The following ABHD12 variants were observed in gnomAD, a reference collection of about 807,000 sequenced individuals.
ABHD12 encodes the protein abhydrolase domain containing 12, lysophospholipase.
A neutral mutation model predicts 58.3 loss-of-function variants in ABHD12; 43 were observed. The observed-to-expected ratio is 0.74, with a 90% CI of 0.58 to 0.95. The LOEUF is 0.95. ABHD12 is among the 40% of genes least tolerant of loss of function. The pLI is 0.00. For synonymous variants in ABHD12, 219 were observed against 211.2 expected (o/e 1.04, Z -0.32); for missense variants, 539 against 537.2 (o/e 1.00, Z -0.03).
intron 11 of ABHD12, 95 bp from the exon 12 acceptor site, chr20:25,302,441 C>G (rs1000245834): frequency 6.5e-7 from 1 of 1,529,182 alleles, no homozygotes; most frequent in Non-Finnish European, 9.0e-7. Flanking sequence ...TCAATAGAAA[C>G]CAGTCCAGAG....
intron 6 of ABHD12, among the ~76,000 whole-genome samples, chr20:25,310,771 G>C (rs1181843976): frequency 6.6e-6 from 1 of 152,164 alleles, no homozygotes; most frequent in Non-Finnish European, 1.5e-5. Flanking sequence ...ACAGGGACAG[G>C]AGGCAGAAGG....
rs556485180 is a variant in ABHD12, at chr20:25,333,985, G to T, written c.316+5242C>A. On this transcript the variant is annotated intron_variant, in intron 2 of 12. Coordinates refer to ENST00000339157, the MANE Select transcript of ABHD12 (RefSeq NM_001042472.3). Reference sequence around the variant, plus strand: ...CAATTAGGCAGGAGAAGGAAATAAAGGGTATTCAATTAGGAAAAGAGGAAG... The same window carrying T: ...CAATTAGGCAGGAGAAGGAAATAAATGGTATTCAATTAGGAAAAGAGGAAG... Among the ~76,000 whole-genome samples, 16 of 152,234 alleles carry T rather than the reference G, an allele frequency of 1.1e-4. No individual in the cohort carries two copies. The East Asian group carries it at 3.1e-3, about 29-fold the overall frequency.
At chr20:25,295,109 A>T in intron 12 of ABHD12, 8 of 1,405,084 alleles carry the variant, frequency 5.7e-6, no homozygotes, top group Non-Finnish European at 8.1e-6. Context: ...GTGAACAGAA[A>T]TGCATTTGTA....
intron 1 of ABHD12, among the ~76,000 whole-genome samples, chr20:25,370,849 C>CTTTTTTTTTTT (rs201094435): frequency 7.2e-6 from 1 of 139,420 alleles, no homozygotes. Flanking sequence ...CCTTTATTGA[C>CTTTTTTTTTTT]TTTTTTTTTT....
intron 2 of ABHD12, among the ~76,000 whole-genome samples, chr20:25,327,212 T>C (rs956793047): frequency 1.3e-5 from 2 of 152,186 alleles, no homozygotes; most frequent in East Asian, 3.9e-4. Flanking sequence ...CGCATGCCTA[T>C]AATCCCAGCA....
At chr20:25,306,072 TG>T (rs1446624063) in intron 10 of ABHD12, among the ~76,000 whole-genome samples, 1 of 151,268 alleles carries the variant, frequency 6.6e-6, no homozygotes, top group Non-Finnish European at 1.5e-5. Flanking sequence ...GAGGCTGAGG[TG>T]GGATAATCAC....
At chr20:25,343,561 T>C (rs994450111) in intron 1 of ABHD12, among the ~76,000 whole-genome samples, 1 of 152,104 alleles carries the variant, frequency 6.6e-6, no homozygotes, top group African/African-American at 2.4e-5. Flanking sequence ...TTCCAGCACT[T>C]TGGGAGGCCA....
chr20:25,308,996 G>A (rs2088798873), intron 7 of ABHD12, among the ~76,000 whole-genome samples: 2 of 152,230 alleles, frequency 1.3e-5, no homozygotes, highest in East Asian at 3.9e-4. Context: ...CAGCAGAAAG[G>A]GAATGGCAGT....
At chr20:25,362,030 G>A (rs993135742) in intron 1 of ABHD12, among the ~76,000 whole-genome samples, 6 of 150,726 alleles carry the variant, frequency 4.0e-5, no homozygotes, top group South Asian at 2.1e-4. Flanking sequence ...ATCCCAGCAC[G>A]TTTGGAGATC....
In ABHD12 at chr20:25,354,260, A is replaced by G. The variant is rs1235924457; in HGVS notation, c.192-14909T>C. Among the ~76,000 whole-genome samples, 3 of 152,260 alleles carry G rather than the reference A, an allele frequency of 2.0e-5. No individual in the cohort carries two copies. In the East Asian group the frequency reaches 5.8e-4, roughly 29 times the overall value. ...GAATCTGGCCTGAAGGGCTGTTCCC[A>G]CCTGTGGTGCCAGTTCACAGGTGTA... On this transcript the variant is annotated intron_variant, in intron 1 of 12. Transcript: ENST00000339157.
chr20:25,308,509 A>T lies in ABHD12; in HGVS notation c.750-15T>A, dbSNP rs1341237590. The T allele has an allele frequency of 6.2e-7, 1 of 1,606,508 alleles. No homozygotes were observed. Among genetic ancestry groups the T allele is most frequent in the Admixed American group, 1.7e-5 (1 of 59,066 alleles). ...TTGTCGCCACGCTAGGAAAAAAGAA[A>T]AACAGCTTAGTTGAGTTATGATAAA... is the stretch of plus-strand genomic sequence containing the variant. On this transcript the variant is annotated splice_polypyrimidine_tract_variant and intron_variant, in intron 7 of 12. Transcript: ENST00000339157.
At chr20:25,360,304 G>A (rs1239057843) in intron 1 of ABHD12, among the ~76,000 whole-genome samples, 2 of 132,704 alleles carry the variant, frequency 1.5e-5, no homozygotes, top group African/African-American at 5.7e-5. Context: ...GCAGTGGTGC[G>A]ATCTCGGCTC....
intron 1 of ABHD12, among the ~76,000 whole-genome samples, chr20:25,356,101 C>T (rs936319811): frequency 5.9e-5 from 9 of 152,172 alleles, no homozygotes; most frequent in African/African-American, 1.2e-4. Flanking sequence ...GCAGTTTCTG[C>T]GCTTGGTGGT....
intron 5 of ABHD12, among the ~76,000 whole-genome samples, chr20:25,316,142 G>A (rs1444802975): frequency 1.3e-5 from 2 of 149,670 alleles, no homozygotes; most frequent in East Asian, 3.9e-4. Flanking sequence ...AGCACCTGGA[G>A]CACCTGGTTT....
chr20:25,343,225 C>T (rs2089477872), intron 1 of ABHD12, among the ~76,000 whole-genome samples: 1 of 152,192 alleles, frequency 6.6e-6, no homozygotes, highest in Non-Finnish European at 1.5e-5. Context: ...AACAACCTTC[C>T]AAAACAGAAA....
chr20:25,320,072 G>T, intron 4 of ABHD12, 127 bp downstream of exon 4: 1 of 1,368,216 alleles, frequency 7.3e-7, no homozygotes, highest in East Asian at 2.5e-5. Context: ...ATTGCAGTGG[G>T]TCAGTACACC....
At chr20:25,378,000 C>T (rs1266282621) in intron 1 of ABHD12, among the ~76,000 whole-genome samples, 1 of 152,134 alleles carries the variant, frequency 6.6e-6, no homozygotes, top group Non-Finnish European at 1.5e-5. Flanking sequence ...CCGGCCAGGT[C>T]CCACTTCTTA....
intron 1 of ABHD12, among the ~76,000 whole-genome samples, chr20:25,371,675 T>C (rs1286971215): frequency 1.3e-5 from 2 of 152,212 alleles, no homozygotes; most frequent in African/African-American, 4.8e-5. Flanking sequence ...TTATACAAAG[T>C]TAGCTTCATG....
At chr20:25,382,659 G>C (rs2090035773) in intron 1 of ABHD12, among the ~76,000 whole-genome samples, 1 of 152,070 alleles carries the variant, frequency 6.6e-6, no homozygotes, top group African/African-American at 2.4e-5. Context: ...TCTCTCCAAG[G>C]CTTCCTCCAT....
Sources: allele counts gnomAD v4.1 joint callset (sites outside exome capture counted in the v4.1 genomes callset), GRCh38; gene constraint gnomAD v4.1.1; transcripts MANE v1.5; gene names NCBI Gene and HGNC (gene_info 2026-07-23, HGNC 2026-07-21).